Variants in RBFOX1 observed in about 807,000 individuals in gnomAD.
RBFOX1 encodes the protein RNA binding fox-1 homolog 1, also known as RNA binding protein fox-1 homolog 1.
In RBFOX1, 8 loss-of-function variants were observed where a neutral mutation model predicts 57.7. The observed-to-expected ratio is 0.14, with a 90% confidence interval of 0.08 to 0.25. The LOEUF (loss-of-function observed/expected upper bound fraction) is 0.25, where lower values mean the gene tolerates loss of function less well. Ranked by LOEUF, RBFOX1 falls within the 10% of genes least tolerant of loss-of-function variation. RBFOX1 has a pLI of 1.00. For synonymous variants in RBFOX1, 326 were observed against 222.4 expected, an observed-to-expected ratio of 1.47 and a Z score of -4.15; for missense variants, 611 against 548.5, an observed-to-expected ratio of 1.11 and a Z score of -1.14.
intron 4 of RBFOX1, among the ~76,000 whole-genome samples, chr16:7,464,841 C>T (rs1473754570): frequency 1.3e-5 from 2 of 151,596 alleles, no homozygotes; most frequent in Admixed American, 6.6e-5. Flanking sequence ...GGACTGCAGG[C>T]GCCCGCCACC....
intron 2 of RBFOX1, among the ~76,000 whole-genome samples, chr16:6,478,411 ATATATATATATATATATATTT>A (rs1278227854): frequency 0.11 from 3,158 of 29,396 alleles, 152 homozygotes; most frequent in South Asian, 0.2. Context: ...ATATATATAT[ATATATATATATATATATATTT>A]TTTTTTTTTT....
chr16:5,865,818 G>A (rs115611393), intron 3 of RBFOX1, among the ~76,000 whole-genome samples: 2 of 152,042 alleles, frequency 1.3e-5, no homozygotes, highest in South Asian at 2.1e-4. Flanking sequence ...CAGCAGACTC[G>A]GTATGAGAAA....
chr16:7,602,217 A>G (rs1446233642), intron 9 of RBFOX1, among the ~76,000 whole-genome samples: 1 of 152,216 alleles, frequency 6.6e-6, no homozygotes, highest in East Asian at 1.9e-4. Flanking sequence ...ATATTTTAGA[A>G]ATACTGACAC....
chr16:6,743,157 A>T (rs1453609418), intron 3 of RBFOX1, among the ~76,000 whole-genome samples: 1 of 152,210 alleles, frequency 6.6e-6, no homozygotes, highest in Non-Finnish European at 1.5e-5. Context: ...GTAAACCCTT[A>T]AGTTCCCACT....
chr16:7,287,284 A>G (rs866586679), intron 4 of RBFOX1, among the ~76,000 whole-genome samples: 37 of 152,358 alleles, frequency 2.4e-4, no homozygotes, highest in African/African-American at 8.2e-4. Flanking sequence ...CCCGACAAAG[A>G]TGCCACCAGA....
intron 4 of RBFOX1, among the ~76,000 whole-genome samples, chr16:7,189,194 C>G (rs9926831): frequency 0.25 from 38,554 of 151,392 alleles, 5,390 homozygotes; most frequent in African/African-American, 0.38. Context: ...GGGAGGCCGA[C>G]GTAGGTAGAT....
At chr16:6,791,396 T>C (rs984056382) in intron 3 of RBFOX1, among the ~76,000 whole-genome samples, 11 of 152,152 alleles carry the variant, frequency 7.2e-5, no homozygotes, top group African/African-American at 2.7e-4. Context: ...GTCTAATAGG[T>C]GCAGCCCTGT....
At chr16:6,054,040 C>A (rs1422464430) in intron 1 of RBFOX1, among the ~76,000 whole-genome samples, 1 of 151,780 alleles carries the variant, frequency 6.6e-6, no homozygotes, top group Non-Finnish European at 1.5e-5. Context: ...CAGAATGAGA[C>A]CCTGTTTCAA....
At chr16:7,249,311 G>A (rs1399506793) in intron 4 of RBFOX1, among the ~76,000 whole-genome samples, 1 of 151,768 alleles carries the variant, frequency 6.6e-6, no homozygotes, top group Non-Finnish European at 1.5e-5. Flanking sequence ...CCTGAAAGTG[G>A]TGCAATAGAG....
chr16:6,196,449 G>T (rs2097180375), intron 1 of RBFOX1, among the ~76,000 whole-genome samples: 1 of 152,076 alleles, frequency 6.6e-6, no homozygotes, highest in Non-Finnish European at 1.5e-5. Flanking sequence ...TTAACACATT[G>T]CATGGGATAC....
At chr16:7,332,686 C>A in intron 4 of RBFOX1, 1 of 861,812 alleles carries the variant, frequency 1.2e-6, no homozygotes, top group Non-Finnish European at 1.5e-6. Flanking sequence ...CTCTCTCTCT[C>A]TGAGAACTAA....
At chr16:6,001,451 T>G (rs1367239688) in intron 4 of RBFOX1, among the ~76,000 whole-genome samples, 2 of 152,222 alleles carry the variant, frequency 1.3e-5, no homozygotes, top group East Asian at 3.9e-4. Flanking sequence ...TGAAGGACTT[T>G]GCTCGAATTA....
At chr16:7,657,412 C>G (rs951852281) in intron 12 of RBFOX1, among the ~76,000 whole-genome samples, 2 of 152,228 alleles carry the variant, frequency 1.3e-5, no homozygotes, top group African/African-American at 4.8e-5. Context: ...TCAAGTGATT[C>G]TCCCACCTCA....
At chr16:6,515,928 T>G (rs4786876) in intron 2 of RBFOX1, among the ~76,000 whole-genome samples, 26 of 152,210 alleles carry the variant, frequency 1.7e-4, no homozygotes, top group African/African-American at 6.0e-4. Flanking sequence ...GGAATGAGTC[T>G]GTGAAACCTG....
chr16:7,018,354 C>T (rs1002363624), intron 3 of RBFOX1, among the ~76,000 whole-genome samples: 1 of 152,160 alleles, frequency 6.6e-6, no homozygotes, highest in African/African-American at 2.4e-5. Context: ...AGGCCACCTC[C>T]ATTAAGAGTT....
chr16:6,272,434 A>C (rs573392589), intron 1 of RBFOX1, among the ~76,000 whole-genome samples: 2 of 152,334 alleles, frequency 1.3e-5, no homozygotes, highest in South Asian at 4.1e-4. Context: ...GAAAAACTGC[A>C]AAACTTTTTA....
At chr16:6,817,746 T>G (rs1180735939) in intron 3 of RBFOX1, among the ~76,000 whole-genome samples, 1 of 151,974 alleles carries the variant, frequency 6.6e-6, no homozygotes, top group East Asian at 1.9e-4. Context: ...ACAGTCTACA[T>G]GAAGGTTGTG....
chr16:7,088,742 C>T (rs1309001995), intron 4 of RBFOX1, among the ~76,000 whole-genome samples: 2 of 152,136 alleles, frequency 1.3e-5, no homozygotes, highest in Non-Finnish European at 2.9e-5. Context: ...GTGTGAATTT[C>T]TTATGCCAGT....
At chr16:6,872,180 T>C (rs1376623354) in intron 3 of RBFOX1, among the ~76,000 whole-genome samples, 1 of 152,200 alleles carries the variant, frequency 6.6e-6, no homozygotes, top group African/African-American at 2.4e-5. Flanking sequence ...TACGTCTGTC[T>C]TAGTCACCAA....
Sources: allele counts gnomAD v4.1 joint callset (sites outside exome capture counted in the v4.1 genomes callset), GRCh38; gene constraint gnomAD v4.1.1; transcripts MANE v1.5; gene names NCBI Gene and HGNC (gene_info 2026-07-23, HGNC 2026-07-21).